The following GPHN variants were observed in gnomAD, a reference collection of about 807,000 sequenced individuals.
The protein encoded by GPHN is gephyrin.
A neutral mutation model predicts 95.5 loss-of-function variants in GPHN; 17 were observed. The observed-to-expected ratio is 0.18, with a 90% CI of 0.12 to 0.27. The LOEUF (loss-of-function observed/expected upper bound fraction) is 0.27. GPHN is among the 10% of genes least tolerant of loss of function. The probability of loss-of-function intolerance (pLI) is 1.00; values close to 1 mark genes in which losing one functional copy is unlikely to be tolerated. For synonymous variants in GPHN, 320 were observed against 322.5 expected (o/e 0.99, Z 0.08); for missense variants, 660 against 978.1 (o/e 0.67, Z 4.34).
At chr14:66,897,474 C>T (rs1393244338) in intron 5 of GPHN, among the ~76,000 whole-genome samples, 1 of 152,076 alleles carries the variant, frequency 6.6e-6, no homozygotes, top group Non-Finnish European at 1.5e-5. Flanking sequence ...TTTATTGCCA[C>T]ACCACCTCTC....
At position 67,111,818 on chromosome 14, in the gene GPHN, T is replaced by C. The variant is rs771476140; in HGVS notation, c.1414-43T>C. On this transcript the variant is annotated intron_variant, in intron 14 of 22. Transcript: ENST00000478722. ...TATCGGAGTAACTAAATTCTACTGC[T>C]CAGAAATTCTGTTTGAAATTACATG... 9.5e-6 allele frequency: 14 copies of C among 1,479,692 alleles called. 1 individual carries two copies. In the African/African-American group the frequency reaches 1.9e-4, roughly 20 times the overall value. The allele number at this position is 1,479,692 out of a possible 1,614,324, so 91.7% of individuals were successfully genotyped here. A position where few individuals can be genotyped will look rare whatever the true frequency, so the allele number is the denominator to read the frequency against.
At chr14:67,340,506 C>T in the GPHN span, 690 of 1,602,984 alleles carry the variant, frequency 4.3e-4, 1 homozygote, top group Non-Finnish European at 5.5e-4. Context: ...ACGTTCAATC[C>T]GGGGAATGAT....
intron 1 of GPHN, among the ~76,000 whole-genome samples, chr14:66,601,173 C>G (rs901601973): frequency 2.0e-5 from 3 of 151,958 alleles, no homozygotes; most frequent in Non-Finnish European, 4.4e-5. Flanking sequence ...GTTGTTTACC[C>G]TTAGGAGCTA....
intron 9 of GPHN, among the ~76,000 whole-genome samples, chr14:67,019,476 GA>G (rs1405000887): frequency 1.5e-4 from 23 of 152,116 alleles, no homozygotes; most frequent in Non-Finnish European, 2.9e-5. Flanking sequence ...CCATTTACAA[GA>G]AAAGGAATAC....
intron 18 of GPHN, among the ~76,000 whole-genome samples, chr14:67,146,675 G>T (rs7146638): frequency 0.25 from 38,493 of 152,162 alleles, 9,860 homozygotes; most frequent in African/African-American, 0.63. Context: ...CAATAAGAGT[G>T]TTAATTAACC....
chr14:67,447,841 C>T, the GPHN span: 2 of 152,182 alleles, frequency 1.3e-5, no homozygotes, highest in African/African-American at 2.4e-5. Context: ...AAGTGAGCTG[C>T]ATCACTTTCA....
chr14:67,367,698 G>A, the GPHN span, among the ~76,000 whole-genome samples: 2 of 146,514 alleles, frequency 1.4e-5, no homozygotes, highest in African/African-American at 5.3e-5. Flanking sequence ...TTAGCTGGGC[G>A]TGGTGGTGCA....
intron 1 of GPHN, among the ~76,000 whole-genome samples, chr14:66,634,997 G>C (rs1467600141): frequency 1.3e-5 from 2 of 152,168 alleles, no homozygotes; most frequent in East Asian, 3.8e-4. Flanking sequence ...TTCCATCTCT[G>C]ATGTGGTGTC....
At chr14:66,838,723 T>C (rs2061960115) in intron 4 of GPHN, among the ~76,000 whole-genome samples, 1 of 152,146 alleles carries the variant, frequency 6.6e-6, no homozygotes, top group African/African-American at 2.4e-5. Flanking sequence ...TTTACTACTG[T>C]CTGGAATCAG....
the GPHN span, chr14:67,397,524 G>T: frequency 1.5e-6 from 1 of 668,370 alleles, no homozygotes; most frequent in African/African-American, 1.8e-5. Context: ...CTGGTATGTG[G>T]CGGAGCCAGG....
At chr14:67,537,984 T>C in the GPHN span, among the ~76,000 whole-genome samples, 1 of 152,178 alleles carries the variant, frequency 6.6e-6, no homozygotes, top group Non-Finnish European at 1.5e-5. Flanking sequence ...GCCAGCAGAA[T>C]CAAGAAAACT....
rs546407734 is a variant in GPHN at position 67,150,176 on chromosome 14, C to G, written c.1836+6727C>G. Among the ~76,000 whole-genome samples, 137 of 152,140 alleles carry G rather than the reference C, an allele frequency of 9.0e-4. No homozygotes were observed. In the Middle Eastern group the frequency reaches 0.01, roughly 11 times the overall value. Reference sequence around the variant, plus strand: ...TTGTAAGGTTGGCCGGGCGCGGTGGCTCACGCCTGTAATCCCAGCACTTTG... The same window carrying G: ...TTGTAAGGTTGGCCGGGCGCGGTGGGTCACGCCTGTAATCCCAGCACTTTG... On this transcript the variant is annotated intron_variant, in intron 18 of 22. Transcript: ENST00000478722.
chr14:67,562,484 G>T, the GPHN span: 1 of 1,613,364 alleles, frequency 6.2e-7, no homozygotes, highest in African/African-American at 1.3e-5. Flanking sequence ...CTGGGGTGAG[G>T]GTCTGGTTAC....
chr14:66,523,496 G>C (rs1007501390), intron 1 of GPHN, among the ~76,000 whole-genome samples: 7 of 152,024 alleles, frequency 4.6e-5, no homozygotes, highest in African/African-American at 1.7e-4. Context: ...TGTAAAATAA[G>C]ACATAATACC....
At chr14:66,532,188 C>T (rs2058968755) in intron 1 of GPHN, among the ~76,000 whole-genome samples, 2 of 152,152 alleles carry the variant, frequency 1.3e-5, no homozygotes, top group South Asian at 4.1e-4. Flanking sequence ...CTTGAAACTA[C>T]GATTTAGTAT....
chr14:66,782,876 G>C (rs2064632597), intron 3 of GPHN, among the ~76,000 whole-genome samples: 1 of 151,850 alleles, frequency 6.6e-6, no homozygotes, highest in South Asian at 2.1e-4. Context: ...AAGAAAGAAA[G>C]ATTCTGAAAG....
the GPHN span, chr14:67,557,338 C>T: frequency 2.4e-5 from 38 of 1,613,594 alleles, no homozygotes; most frequent in African/African-American, 6.7e-5. Flanking sequence ...GAGCCTGCAC[C>T]GGAAATACCA....
At chr14:67,314,377 G>A in the GPHN span, among the ~76,000 whole-genome samples, 4 of 152,178 alleles carry the variant, frequency 2.6e-5, no homozygotes, top group Non-Finnish European at 4.4e-5. Flanking sequence ...TTCTTTTTGA[G>A]TATAAGGTCA....
At chr14:66,701,239 A>G (rs184273345) in intron 2 of GPHN, among the ~76,000 whole-genome samples, 3 of 147,424 alleles carry the variant, frequency 2.0e-5, no homozygotes, top group Admixed American at 1.4e-4. Flanking sequence ...AAAAATGTAT[A>G]CTGTTGTGCA....
Sources: gnomAD v4.1 joint callset for allele counts (sites outside exome capture counted in the v4.1 genomes callset) on GRCh38, gnomAD v4.1.1 for gene constraint, MANE v1.5 for transcripts, NCBI Gene and HGNC (gene_info 2026-07-23, HGNC 2026-07-21) for gene names.